The following CCDC87 variants were observed in gnomAD, a reference collection of about 807,000 sequenced individuals.
CCDC87 encodes coiled-coil domain containing 87, also known as coiled-coil domain-containing protein 87.
For missense variants in CCDC87, 1,072 were observed against 1,041.7 expected (o/e 1.03, Z -0.40); for synonymous variants, 434 against 440.2 (o/e 0.99, Z 0.18).
At position 66,592,457 on chromosome 11, in the gene CCDC87, G is replaced by C. The variant is rs1565320553; in HGVS notation, c.559C>G (p.Gln187Glu). 1 of 1,613,788 alleles carries C rather than the reference G, an allele frequency of 6.2e-7. No homozygotes were observed. Among genetic ancestry groups the C allele is most frequent in the Non-Finnish European group, 8.5e-7 (1 of 1,180,020 alleles). ...ADFQALLRAEQASGDVDKLHP... is the reference protein window; with the variant it reads ...ADFQALLRAEEASGDVDKLHP... Reference sequence around the variant, plus strand: ...AGCTTGTCCACATCCCCAGAGGCCTGCTCTGCCCTCAGCAGGGCCTGGAAG... The same window carrying C: ...AGCTTGTCCACATCCCCAGAGGCCTCCTCTGCCCTCAGCAGGGCCTGGAAG... The change falls in exon 1 of 1, where the codon CAG becomes GAG. Residue 187 changes from glutamine (Q) to glutamate (E), a missense_variant. Transcript: ENST00000333861.
Position 66,592,566 on chromosome 11 carries a change from G to A in CCDC87, c.450C>T (p.Thr150=). 6.2e-7 allele frequency: 1 copy of A among 1,613,084 alleles called. No homozygotes were observed. Among genetic ancestry groups the A allele is most frequent in the Non-Finnish European group, 8.5e-7 (1 of 1,180,022 alleles). ...CGAGGCTGGCGGCCAACCGGGTGAGGGTGGCTGATTCAGTGAAGACCCCCC... is the reference window on the plus strand; with the variant it reads ...CGAGGCTGGCGGCCAACCGGGTGAGAGTGGCTGATTCAGTGAAGACCCCCC... ...TPRGVFTESA[T]LTRLAASLAR... The change falls in exon 1 of 1, where the codon ACC becomes ACT. Residue 150 remains threonine (T), a synonymous_variant. Transcript: ENST00000333861.
Position 66,592,849 on chromosome 11 carries a change from G to A in CCDC87, c.167C>T (p.Ala56Val). Reference sequence around the variant, plus strand: ...CTTGGCCACCTGGCTGCACAGCGACGCCACCGTCAGCTTCGCCAGAGGGAA... The same window carrying A: ...CTTGGCCACCTGGCTGCACAGCGACACCACCGTCAGCTTCGCCAGAGGGAA... Reference protein sequence around the residue: ...QSFPLAKLTVASLCSQVAKLL... With the variant: ...QSFPLAKLTVVSLCSQVAKLL... Residue 56 changes from alanine to valine, a missense_variant, in exon 1 of 1, where the codon GCG becomes GTG. Physicochemically the swap from Ala to Val is moderately conservative, Grantham distance 64 (BLOSUM62 0). Coordinates refer to ENST00000333861, the MANE Select transcript of CCDC87 (RefSeq NM_018219.3). The A allele has an allele frequency of 3.2e-6, 5 of 1,576,076 alleles. No individual in the cohort carries two copies. The highest frequency in any genetic ancestry group is 4.3e-6 in the Non-Finnish European group (5 of 1,160,876).
rs767378361 is a variant in CCDC87 at position 66,591,353 on chromosome 11, T to C, written c.1663A>G (p.Thr555Ala). 1.2e-6 allele frequency: 2 copies of C among 1,614,146 alleles called. No individual in the cohort carries two copies. The highest frequency in any genetic ancestry group is 1.1e-5 in the South Asian group (1 of 91,078). ...ATCTTCTTAGTATTGGACTGTAAAG[T>C]GTTTGCTCTCTGGGAGTAAAGTCCA... Reference protein sequence around the residue: ...LVGLYSQRANTLQSNTKKMPS... With the variant: ...LVGLYSQRANALQSNTKKMPS... The change falls in exon 1 of 1, where the codon ACT (threonine) becomes GCT (alanine). Residue 555 changes from threonine to alanine, a missense_variant. By Grantham distance (58) the Thr-to-Ala change is moderately conservative. Coordinates refer to ENST00000333861, the MANE Select transcript of CCDC87 (RefSeq NM_018219.3).
At position 66,590,733 on chromosome 11, in the gene CCDC87, G is replaced by T; in HGVS notation, c.2283C>A (p.His761Gln). Residue 761 changes from histidine to glutamine, a missense_variant, in exon 1 of 1, where the codon CAC (histidine) becomes CAA (glutamine). His to Gln is a conservative substitution (Grantham distance 24, BLOSUM62 0). Coordinates refer to ENST00000333861, the MANE Select transcript of CCDC87 (RefSeq NM_018219.3). The stretch of plus-strand genomic sequence containing the variant: ...TTCGGACCTGATTCTCCTCCAGGAA[G>T]TGACTGGAGCTCAAGTTGGTCTTTT... ...FFKKTNLSSS[H>Q]FLEENQVRSH... The T allele has an allele frequency of 6.2e-7, 1 of 1,613,598 alleles. No homozygotes were observed.
chr11:66,591,006 G>A lies in CCDC87; in HGVS notation c.2010C>T (p.His670=), dbSNP rs570764286. ...TCAGAATTTTGTGGGGTTCTCCCAG[G>A]TGGGGTGTCTTCCCAGCTCCTAGCC... The part of the protein sequence containing the change: ...EHRLGAGKTP[H]LGEPHKILSL... Residue 670 remains histidine (H), a synonymous_variant, in exon 1 of 1, where the codon CAC becomes CAT. Transcript: ENST00000333861. 9.9e-6 allele frequency: 16 copies of A among 1,613,872 alleles called. No individual in the cohort carries two copies. Among genetic ancestry groups the A allele is most frequent in the African/African-American group, 1.3e-5 (1 of 74,934 alleles).
In CCDC87 at chr11:66,592,899, CG is replaced by C. The variant is rs756825207; in HGVS notation, c.116del (p.Pro39ArgfsTer15). 10 of 1,534,150 alleles carry C rather than the reference CG, an allele frequency of 6.5e-6. No individual in the cohort carries two copies. Among genetic ancestry groups the C allele is most frequent in the Middle Eastern group, 1.8e-4 (1 of 5,652 alleles). The part of the protein sequence containing the change: ...TTSPEPQKRP[P>X]QEGRILQSFP... ...AGGACTGCAGAATCCGGCCCTCCTG[CG>C]GGGGGCGCTTCTGAGGCTCTGGGGA... On this transcript the variant is annotated frameshift_variant, in exon 1 of 1. Coordinates refer to ENST00000333861, the MANE Select transcript of CCDC87 (RefSeq NM_018219.3). LOFTEE classifies it low-confidence loss of function (END_TRUNC).
At position 66,592,620 on chromosome 11, in the gene CCDC87, C is replaced by G. The variant is rs1858392966; in HGVS notation, c.396G>C (p.Leu132=). 6.2e-7 allele frequency: 1 copy of G among 1,613,684 alleles called. No individual in the cohort carries two copies. The highest frequency in any genetic ancestry group is 1.3e-5 in the African/African-American group (1 of 74,956). The change falls in exon 1 of 1, where the codon CTG becomes CTC. Residue 132 remains leucine (L), a synonymous_variant. Transcript: ENST00000333861. ...LSSEQLFLRY[L]HLLVTMSTPR... Reference sequence around the variant, plus strand: ...GAGTCGACATGGTCACCAGCAGGTGCAGGTAGCGCAAGAAGAGCTGCTCGC... The same window carrying G: ...GAGTCGACATGGTCACCAGCAGGTGGAGGTAGCGCAAGAAGAGCTGCTCGC...
In CCDC87 at chr11:66,590,817, T is replaced by G; in HGVS notation, c.2199A>C (p.Ala733=). The G allele has an allele frequency of 6.2e-7, 1 of 1,613,634 alleles. No homozygotes were observed. The highest frequency in any genetic ancestry group is 8.5e-7 in the Non-Finnish European group (1 of 1,180,036). Residue 733 remains alanine, a synonymous_variant, in exon 1 of 1, where the codon GCA becomes GCC. Transcript: ENST00000333861. ...CAAACCACTCTAGTCTCGCCAGCAATGCCTCCCGCAGCTGAATGGGCTTCA... is the reference window on the plus strand; with the variant it reads ...CAAACCACTCTAGTCTCGCCAGCAAGGCCTCCCGCAGCTGAATGGGCTTCA... ...RALKPIQLRE[A]LLARLEWFEG...
In CCDC87 at chr11:66,590,313, G is replaced by A. The variant is rs1858326052; in HGVS notation, c.*153C>T. The A allele has an allele frequency of 3.2e-6, 2 of 619,134 alleles. No homozygotes were observed. Among genetic ancestry groups the A allele is most frequent in the Non-Finnish European group, 5.7e-6 (2 of 348,870 alleles). The allele number at this position is 619,134 out of a possible 1,614,324, so 38.4% of individuals were successfully genotyped here. On this transcript the variant is annotated 3_prime_UTR_variant, in exon 1 of 1. Transcript: ENST00000333861. ...ATCCCTTCATAGTTGGAAGCATAAT[G>A]TTCCTGAACCCTCCACTCCCAGATA...
Position 66,591,411 on chromosome 11 carries a change from T to C in CCDC87, c.1605A>G (p.Glu535=). Reference sequence around the variant, plus strand: ...CAGGGTTGATGATTTGAGGCTGTTTTTCTTGACGTAGAAAGGCTGAGGACA... The same window carrying C: ...CAGGGTTGATGATTTGAGGCTGTTTCTCTTGACGTAGAAAGGCTGAGGACA... ...TFLSSAFLRQ[E]KQPQIINPEL... The change falls in exon 1 of 1, where the codon GAA becomes GAG. Residue 535 remains glutamate, a synonymous_variant. Transcript: ENST00000333861. The C allele has an allele frequency of 6.2e-7, 1 of 1,614,178 alleles. No homozygotes were observed. The highest frequency in any genetic ancestry group is 1.1e-5 in the South Asian group (1 of 91,080).
chr11:66,592,280 T>A lies in CCDC87; in HGVS notation c.736A>T (p.Met246Leu). The part of the protein sequence containing the change: ...PPEFLNEPGR[M>L]DPVKELKSIP... Reference sequence around the variant, plus strand: ...GACTTCAATTCCTTCACTGGATCCATCCTTCCTGGCTCATTGAGAAACTCT... The same window carrying A: ...GACTTCAATTCCTTCACTGGATCCAACCTTCCTGGCTCATTGAGAAACTCT... Residue 246 changes from methionine (M) to leucine (L), a missense_variant, in exon 1 of 1, where the codon ATG (methionine) becomes TTG (leucine). Met to Leu is a conservative substitution (Grantham distance 15). Transcript: ENST00000333861. 2 of 1,614,194 alleles carry A rather than the reference T, an allele frequency of 1.2e-6. No individual in the cohort carries two copies. Among genetic ancestry groups the A allele is most frequent in the Non-Finnish European group, 1.7e-6 (2 of 1,180,038 alleles).
Position 66,590,873 on chromosome 11 carries a change from G to A in CCDC87, c.2143C>T (p.Pro715Ser), listed in dbSNP as rs1858340612. The change falls in exon 1 of 1, where the codon CCT becomes TCT. Residue 715 changes from proline to serine, a missense_variant. Pro to Ser is a moderately conservative substitution (Grantham distance 74). Coordinates refer to ENST00000333861, the MANE Select transcript of CCDC87 (RefSeq NM_018219.3). ...CGCTCCCAGGCATTCACCAATGAAG[G>A]CAGCTGCCTCAGGCGGGCTTTGGAG... ...YSSKARLRQL[P>S]SLVNAWERAL... 2 of 1,613,830 alleles carry A rather than the reference G, an allele frequency of 1.2e-6. No individual in the cohort carries two copies. The highest frequency in any genetic ancestry group is 2.2e-5 in the East Asian group (1 of 44,900).
rs1565320553 is a variant in CCDC87, at chr11:66,592,457, G to A, written c.559C>T (p.Gln187Ter). ...AGCTTGTCCACATCCCCAGAGGCCTGCTCTGCCCTCAGCAGGGCCTGGAAG... is the reference window on the plus strand; with the variant it reads ...AGCTTGTCCACATCCCCAGAGGCCTACTCTGCCCTCAGCAGGGCCTGGAAG... Reference protein sequence around the residue: ...ADFQALLRAEQASGDVDKLHP... With the variant: ...ADFQALLRAE The change falls in exon 1 of 1, where the codon CAG (glutamine) becomes TAG (stop). Residue 187 changes from glutamine to a stop codon, truncating the protein, a stop_gained. Coordinates refer to ENST00000333861, the MANE Select transcript of CCDC87 (RefSeq NM_018219.3). LOFTEE classifies it low-confidence loss of function (END_TRUNC). 1.9e-6 allele frequency: 3 copies of A among 1,613,788 alleles called. No individual in the cohort carries two copies. The highest frequency in any genetic ancestry group is 2.2e-5 in the South Asian group (2 of 91,086).
At position 66,592,998 on chromosome 11, in the gene CCDC87, C is replaced by T; in HGVS notation, c.18G>A (p.Lys6=). The T allele has an allele frequency of 1.3e-6, 2 of 1,513,738 alleles. No homozygotes were observed. The highest frequency in any genetic ancestry group is 1.8e-4 in the Middle Eastern group (1 of 5,444). 93.8% of individuals were successfully genotyped at this position (1,513,738 alleles called of 1,614,324 possible). ...AAAACCGCTGGAGCTCAGGCTCGGG[C>T]TTCGGGGGCTCCATCATAGAGCCGG... MMEPP[K]PEPELQRFYH... Residue 6 remains lysine (K), a synonymous_variant, in exon 1 of 1, where the codon AAG becomes AAA. Coordinates refer to ENST00000333861, the MANE Select transcript of CCDC87 (RefSeq NM_018219.3).
In CCDC87 at chr11:66,592,206, T is replaced by C. The variant is rs760640773; in HGVS notation, c.810A>G (p.Ile270Met). Residue 270 changes from isoleucine (I) to methionine (M), a missense_variant, in exon 1 of 1, where the codon ATA becomes ATG. Physicochemically the swap from Ile to Met is conservative, Grantham distance 10. Transcript: ENST00000333861. ...TGATGTCGATTTCTCTCTTCTTTCCTATGGAGGGCAGCCAGTGGAAAGGCT... is the reference window on the plus strand; with the variant it reads ...TGATGTCGATTTCTCTCTTCTTTCCCATGGAGGGCAGCCAGTGGAAAGGCT... ...RKKPFHWLPS[I>M]GKKREIDISS... 13 of 1,608,552 alleles carry C rather than the reference T, an allele frequency of 8.1e-6. No individual in the cohort carries two copies. In the Admixed American group the frequency reaches 1.5e-4, roughly 19 times the overall value.
In CCDC87 at chr11:66,591,313, G is replaced by C; in HGVS notation, c.1703C>G (p.Ser568Ter). ...SNTKKMPSLP[S>*]LQATKSWEKW... Reference sequence around the variant, plus strand: ...CTCCCAGCTTTTGGTAGCTTGGAGTGATGGGAGGGAGGGCATCTTCTTAGT... The same window carrying C: ...CTCCCAGCTTTTGGTAGCTTGGAGTCATGGGAGGGAGGGCATCTTCTTAGT... The change falls in exon 1 of 1, where the codon TCA becomes TGA. Residue 568 changes from serine (S) to a stop codon, truncating the protein, a stop_gained. Transcript: ENST00000333861. LOFTEE classifies it low-confidence loss of function (END_TRUNC). 4 of 1,614,214 alleles carry C rather than the reference G, an allele frequency of 2.5e-6. No individual in the cohort carries two copies. Among genetic ancestry groups the C allele is most frequent in the Non-Finnish European group, 3.4e-6 (4 of 1,180,030 alleles).
chr11:66,590,445 T>C lies in CCDC87; in HGVS notation c.*21A>G, dbSNP rs370676664. ...GGCACTGGGCCTGGTCAAGGAGTAATAGGGGTATTCCCAGGAGCTACTAAA... is the reference window on the plus strand; with the variant it reads ...GGCACTGGGCCTGGTCAAGGAGTAACAGGGGTATTCCCAGGAGCTACTAAA... On this transcript the variant is annotated 3_prime_UTR_variant, in exon 1 of 1. Coordinates refer to ENST00000333861, the MANE Select transcript of CCDC87 (RefSeq NM_018219.3). 8 of 1,574,778 alleles carry C rather than the reference T, an allele frequency of 5.1e-6. No homozygotes were observed. The African/African-American group carries it at 5.4e-5, about 11-fold the overall frequency.
In CCDC87 at chr11:66,591,865, A is replaced by G; in HGVS notation, c.1151T>C (p.Val384Ala). Residue 384 changes from valine to alanine, a missense_variant, in exon 1 of 1, where the codon GTT becomes GCT. Physicochemically the swap from Val to Ala is moderately conservative, Grantham distance 64 (BLOSUM62 0). Coordinates refer to ENST00000333861, the MANE Select transcript of CCDC87 (RefSeq NM_018219.3). ...CCCTGCAGCTGGGTGACGGGTCACA[A>G]CCCCCAGGAGAGGAGGCAGGCCTGA... ...LDSGLPPLLG[V>A]VTRHPAAGHR... The G allele has an allele frequency of 6.2e-7, 1 of 1,613,628 alleles. No individual in the cohort carries two copies. Among genetic ancestry groups the G allele is most frequent in the Non-Finnish European group, 8.5e-7 (1 of 1,179,876 alleles).
In CCDC87 at chr11:66,591,025, C is replaced by T. The variant is rs771879476; in HGVS notation, c.1991G>A (p.Gly664Glu). 1.2e-6 allele frequency: 2 copies of T among 1,613,984 alleles called. No homozygotes were observed. The highest frequency in any genetic ancestry group is 1.3e-5 in the African/African-American group (1 of 74,942). The change falls in exon 1 of 1, where the codon GGA (glycine) becomes GAA (glutamate). Residue 664 changes from glycine to glutamate, a missense_variant. Coordinates refer to ENST00000333861, the MANE Select transcript of CCDC87 (RefSeq NM_018219.3). ...DWNTVLEHRL[G>E]AGKTPHLGEP... is the part of the protein sequence containing the mutation. ...TCCCAGGTGGGGTGTCTTCCCAGCT[C>T]CTAGCCTGTGCTCTAGCACAGTGTT... is the stretch of plus-strand genomic sequence containing the variant.
Sources: gnomAD v4.1 joint callset for allele counts on GRCh38, gnomAD v4.1.1 for gene constraint, MANE v1.5 for transcripts, NCBI Gene and HGNC (gene_info 2026-07-23, HGNC 2026-07-21) for gene names.